The following RAB33A variants were observed in gnomAD, a reference collection of about 807,000 sequenced individuals.
The protein encoded by RAB33A is RAB33A, member RAS oncogene family.
In RAB33A, 6 loss-of-function variants were observed where a neutral mutation model predicts 12.0. The observed-to-expected ratio is 0.50, with a 90% confidence interval of 0.27 to 0.99. The LOEUF (loss-of-function observed/expected upper bound fraction) is 0.99. Ranked by LOEUF, RAB33A falls within the 50% of genes least tolerant of loss-of-function variation. The pLI is 0.11. For synonymous variants in RAB33A, 70 were observed against 82.4 expected, an observed-to-expected ratio of 0.85 and a Z score of 0.81; for missense variants, 109 against 192.0, an observed-to-expected ratio of 0.57 and a Z score of 2.55.
chrX:130,128,333 G>A, the RAB33A span, among the ~76,000 whole-genome samples: 5 of 111,459 alleles, frequency 4.5e-5, no homozygotes, highest in Non-Finnish European at 9.4e-5. Context: ...AGCACTTTGG[G>A]AGGCCGAGGC....
chrX:130,136,006 G>A, the RAB33A span: 128 of 1,207,610 alleles, frequency 1.1e-4, no homozygotes, highest in African/African-American at 1.3e-3. Flanking sequence ...ACAGGCTAGG[G>A]AGAATGAATT....
chrX:130,171,198 C>G (rs2031601623), upstream of RAB33A, among the ~76,000 whole-genome samples: 1 of 113,257 alleles, frequency 8.8e-6, no homozygotes, highest in Non-Finnish European at 1.9e-5. Flanking sequence ...GTACAGGCCC[C>G]GGACAACCCA....
At chrX:130,130,919 G>A in the RAB33A span, among the ~76,000 whole-genome samples, 5 of 112,372 alleles carry the variant, frequency 4.4e-5, no homozygotes, top group African/African-American at 6.5e-5. Context: ...GTTACTAGGA[G>A]AGATCAGAAT....
chrX:130,147,337 T>C, the RAB33A span, among the ~76,000 whole-genome samples: 1 of 112,119 alleles, frequency 8.9e-6, no homozygotes, highest in Non-Finnish European at 1.9e-5. Flanking sequence ...CTTTGTAGAC[T>C]GTTATCTCTA....
intron 1 of RAB33A, among the ~76,000 whole-genome samples, chrX:130,173,237 G>A (rs2031630832): frequency 8.9e-6 from 1 of 111,967 alleles, no homozygotes; most frequent in African/African-American, 3.2e-5. Flanking sequence ...AGGGGATGGC[G>A]GGAGGGAGGA....
the RAB33A span, among the ~76,000 whole-genome samples, chrX:130,124,116 C>T: frequency 1.8e-5 from 2 of 111,528 alleles, no homozygotes; most frequent in Non-Finnish European, 3.8e-5. Context: ...AGTAAAGCAA[C>T]TGGAGAAGCA....
chrX:130,116,157 A>G, the RAB33A span, among the ~76,000 whole-genome samples: 1 of 96,167 alleles, frequency 1.0e-5, no homozygotes, highest in Non-Finnish European at 2.0e-5. Flanking sequence ...CCAGGCTGGA[A>G]TGCAATGGCG....
upstream of RAB33A, among the ~76,000 whole-genome samples, chrX:130,168,132 G>T (rs779817228): frequency 1.8e-5 from 2 of 109,972 alleles, no homozygotes; most frequent in African/African-American, 6.6e-5. Context: ...AGCAGTGATT[G>T]CTCCCGTGCA....
intron 1 of RAB33A, 107 bp from the exon 2 acceptor site, chrX:130,184,178 C>T (rs2031761615): frequency 1.3e-5 from 10 of 766,492 alleles, no homozygotes; most frequent in East Asian, 3.3e-5. Context: ...CGTGAGCCAC[C>T]GCACCCGTCC....
the RAB33A span, chrX:130,137,153 A>C: frequency 2.5e-6 from 3 of 1,211,668 alleles, no homozygotes; most frequent in Non-Finnish European, 3.4e-6. Context: ...TTCTCGGGGA[A>C]GAGTTGAATC....
the RAB33A span, among the ~76,000 whole-genome samples, chrX:130,117,955 G>A: frequency 8.9e-5 from 10 of 112,285 alleles, no homozygotes; most frequent in Non-Finnish European, 1.7e-4. Flanking sequence ...GTCAACACAG[G>A]GAGGTTTTGC....
the RAB33A span, among the ~76,000 whole-genome samples, chrX:130,113,077 C>CTTTTTTTTTTTTTTTTTT: frequency 3.2e-4 from 15 of 46,991 alleles, no homozygotes; most frequent in Non-Finnish European, 4.3e-4. Context: ...TTTTTTCCTT[C>CTTTTTTTTTTTTTTTTTT]TTTTTTTTTT....
the RAB33A span, among the ~76,000 whole-genome samples, chrX:130,125,815 A>C: frequency 1.8e-5 from 2 of 111,902 alleles, no homozygotes; most frequent in Non-Finnish European, 3.8e-5. Flanking sequence ...ACAACAACAA[A>C]AAAAATCACA....
At chrX:130,133,271 T>C in the RAB33A span, 1 of 1,203,726 alleles carries the variant, frequency 8.3e-7, no homozygotes, top group African/African-American at 1.8e-5. Context: ...CTAGAGATAC[T>C]GAGTTGTAAT....
the RAB33A span, chrX:130,129,579 A>T: frequency 1.1e-5 from 13 of 1,209,153 alleles, no homozygotes; most frequent in Non-Finnish European, 1.5e-5. Context: ...AATGTTGAAT[A>T]GTTTGGCTAC....
chrX:130,143,050 T>C, the RAB33A span, among the ~76,000 whole-genome samples: 1 of 112,101 alleles, frequency 8.9e-6, no homozygotes, highest in East Asian at 2.8e-4. Context: ...TTCCTCATAC[T>C]GCTCTTTAAG....
chrX:130,141,771 T>C, the RAB33A span, among the ~76,000 whole-genome samples: 4 of 112,037 alleles, frequency 3.6e-5, no homozygotes, highest in Non-Finnish European at 7.5e-5. Context: ...TTTCCTCATC[T>C]TGTTATCTCC....
At chrX:130,168,286 C>T (rs1165118456), upstream of RAB33A, among the ~76,000 whole-genome samples, 3 of 106,183 alleles carry the variant, frequency 2.8e-5, no homozygotes, top group Non-Finnish European at 5.8e-5. Context: ...AGTATCTCGG[C>T]TCACTGCAAC....
At chrX:130,145,774 C>T in the RAB33A span, among the ~76,000 whole-genome samples, 2 of 111,671 alleles carry the variant, frequency 1.8e-5, no homozygotes, top group African/African-American at 6.5e-5. Flanking sequence ...AATTTTGCTC[C>T]CAGGGGATGT....
Sources: allele counts gnomAD v4.1 joint callset (sites outside exome capture counted in the v4.1 genomes callset), GRCh38; gene constraint gnomAD v4.1.1; transcripts MANE v1.5; gene names NCBI Gene and HGNC (gene_info 2026-07-23, HGNC 2026-07-21).